CNTN4: variants seen among roughly 807,000 people sequenced by gnomAD.
The protein encoded by CNTN4 is contactin 4, also known as contactin-4.
CNTN4 carries 77 observed loss-of-function variants against 122.5 expected under a neutral mutation model. The ratio of observed to expected loss-of-function variants is 0.63; its 90% CI spans 0.52 to 0.76. The LOEUF is 0.76. CNTN4 is among the 30% of genes least tolerant of loss of function. The probability of loss-of-function intolerance (pLI) is 0.00; values close to 1 mark genes in which losing one functional copy is unlikely to be tolerated. For missense variants in CNTN4, 1,256 were observed against 1,259.1 expected, an observed-to-expected ratio of 1.00 and a Z score of 0.04; for synonymous variants, 512 against 447.0, an observed-to-expected ratio of 1.15 and a Z score of -1.83.
intron 2 of CNTN4, among the ~76,000 whole-genome samples, chr3:2,229,653 GTAAA>G (rs141686469): frequency 0.14 from 21,331 of 152,060 alleles, 1,851 homozygotes; most frequent in Non-Finnish European, 0.2. Context: ...TGTTTATATA[GTAAA>G]TAAATAAGAG....
intron 16 of CNTN4, among the ~76,000 whole-genome samples, chr3:3,033,381 G>T (rs1699341471): frequency 6.6e-6 from 1 of 152,152 alleles, no homozygotes; most frequent in Non-Finnish European, 1.5e-5. Context: ...TCACCTGTGG[G>T]TCTATAAAAG....
At chr3:2,481,557 A>G (rs746603226) in intron 3 of CNTN4, among the ~76,000 whole-genome samples, 31 of 152,190 alleles carry the variant, frequency 2.0e-4, no homozygotes, top group Non-Finnish European at 3.8e-4. Flanking sequence ...AAATTAACCC[A>G]AAATGGATCA....
At chr3:2,424,902 C>A (rs1236370867) in intron 3 of CNTN4, among the ~76,000 whole-genome samples, 1 of 152,174 alleles carries the variant, frequency 6.6e-6, no homozygotes, top group East Asian at 1.9e-4. Context: ...CCTTTGCCCA[C>A]TTGTTGATGG....
At chr3:2,189,304 C>T (rs971379519) in intron 2 of CNTN4, among the ~76,000 whole-genome samples, 8 of 152,066 alleles carry the variant, frequency 5.3e-5, no homozygotes, top group African/African-American at 1.9e-4. Context: ...AGGAACAAGT[C>T]CTTCACCGAT....
rs532264001 is a variant in CNTN4, at chr3:2,303,126, G to C, written c.-144-36052G>C. The stretch of plus-strand genomic sequence containing the variant: ...AAGGTGCTGGCACTTAGAAAAGTTA[G>C]GTAACTTTTCAATCATTCCAGATTT... On this transcript the variant is annotated intron_variant, in intron 2 of 24. Transcript: ENST00000418658. 1.1e-4 allele frequency among the ~76,000 whole-genome samples: 16 copies of C among 152,190 alleles called. No individual in the cohort carries two copies. The East Asian group carries it at 3.1e-3, about 29-fold the overall frequency.
chr3:2,523,356 T>TAAAAAA (rs67485307), intron 3 of CNTN4, among the ~76,000 whole-genome samples: 1 of 119,988 alleles, frequency 8.3e-6, no homozygotes. Flanking sequence ...CAAGAGACCT[T>TAAAAAA]AAAAAAAAAA....
At chr3:2,774,906 G>A (rs2091255191) in intron 6 of CNTN4, among the ~76,000 whole-genome samples, 1 of 152,188 alleles carries the variant, frequency 6.6e-6, no homozygotes, top group African/African-American at 2.4e-5. Context: ...AAGATTTCCA[G>A]GATTCTTATG....
At chr3:2,135,909 A>T (rs905809908) in intron 2 of CNTN4, among the ~76,000 whole-genome samples, 1 of 152,194 alleles carries the variant, frequency 6.6e-6, no homozygotes, top group African/African-American at 2.4e-5. Context: ...CCTTCTGGTA[A>T]ATACTTCCTA....
rs1373875906 is a variant in CNTN4 at position 2,324,264 on chromosome 3, A to T, written c.-144-14914A>T. On this transcript the variant is annotated intron_variant, in intron 2 of 24. Coordinates refer to ENST00000418658, the MANE Select transcript of CNTN4 (RefSeq NM_175607.3). ...TTGAAGCAGTGAGTGGTGAGAGGAG[A>T]AGAATGATAGAAGAAATAACTGGAT... Among the ~76,000 whole-genome samples, 2 of 127,176 alleles carry T rather than the reference A, an allele frequency of 1.6e-5. 1 individual carries two copies. Among genetic ancestry groups the T allele is most frequent in the Non-Finnish European group, 3.4e-5 (2 of 59,354 alleles). The allele number at this position is 127,176 out of a possible 152,430, so 83.4% of individuals were successfully genotyped here. A position where few individuals can be genotyped will look rare whatever the true frequency, so the allele number is the denominator to read the frequency against.
At chr3:2,323,517 C>T (rs1194065022) in intron 2 of CNTN4, among the ~76,000 whole-genome samples, 1 of 152,128 alleles carries the variant, frequency 6.6e-6, no homozygotes, top group African/African-American at 2.4e-5. Context: ...CTCCTTCTTC[C>T]ATTGCTTGTA....
chr3:2,426,967 CTTT>C (rs2047861428), intron 3 of CNTN4, among the ~76,000 whole-genome samples: 2 of 152,094 alleles, frequency 1.3e-5, no homozygotes, highest in South Asian at 2.1e-4. Context: ...CTCTTTTCTT[CTTT>C]ATTAGTCTTG....
intron 4 of CNTN4, among the ~76,000 whole-genome samples, chr3:2,638,807 C>G (rs2082776107): frequency 6.6e-6 from 1 of 152,100 alleles, no homozygotes; most frequent in South Asian, 2.1e-4. Context: ...TTGCTCAGAC[C>G]AAAACCTTAA....
intron 2 of CNTN4, among the ~76,000 whole-genome samples, chr3:2,296,542 G>A (rs1052671605): frequency 6.6e-6 from 1 of 152,060 alleles, no homozygotes; most frequent in East Asian, 1.9e-4. Flanking sequence ...AACTATTTGA[G>A]TACTAACTGG....
At chr3:2,246,402 T>C (rs1440176964) in intron 2 of CNTN4, among the ~76,000 whole-genome samples, 1 of 152,028 alleles carries the variant, frequency 6.6e-6, no homozygotes, top group Admixed American at 6.6e-5. Context: ...TGGGAAGATA[T>C]TTTTGCTATC....
At chr3:2,817,809 G>T (rs943626408) in intron 6 of CNTN4, among the ~76,000 whole-genome samples, 1 of 152,128 alleles carries the variant, frequency 6.6e-6, no homozygotes. Flanking sequence ...CTGATTCAGT[G>T]TTATTTTTAG....
intron 3 of CNTN4, among the ~76,000 whole-genome samples, chr3:2,534,847 T>G (rs1419064273): frequency 7.3e-6 from 1 of 137,048 alleles, no homozygotes; most frequent in African/African-American, 2.7e-5. Flanking sequence ...TTGCTGTTAT[T>G]GTTGCTGCGG....
chr3:2,587,948 A>T (rs1260889888), intron 4 of CNTN4, among the ~76,000 whole-genome samples: 2 of 152,168 alleles, frequency 1.3e-5, no homozygotes, highest in Admixed American at 6.5e-5. Context: ...ACTCTGCACA[A>T]GTAAAGAGTG....
At chr3:2,524,978 G>T (rs1304288438) in intron 3 of CNTN4, among the ~76,000 whole-genome samples, 1 of 152,130 alleles carries the variant, frequency 6.6e-6, no homozygotes, top group East Asian at 1.9e-4. Flanking sequence ...GTTTGAAGAT[G>T]CAGTAAGGTT....
chr3:2,680,906 T>C (rs2085129722), intron 4 of CNTN4, among the ~76,000 whole-genome samples: 1 of 152,234 alleles, frequency 6.6e-6, no homozygotes. Flanking sequence ...GTATGTTTTC[T>C]GTTTTCTAGA....
Sources: gnomAD v4.1 joint callset for allele counts (sites outside exome capture counted in the v4.1 genomes callset) on GRCh38, gnomAD v4.1.1 for gene constraint, MANE v1.5 for transcripts, NCBI Gene and HGNC (gene_info 2026-07-23, HGNC 2026-07-21) for gene names.